Variants in GLIS3 observed in about 807,000 individuals in gnomAD.
GLIS3 encodes the protein GLIS family zinc finger 3, also known as zinc finger protein GLIS3.
A neutral mutation model predicts 78.6 loss-of-function variants in GLIS3; 53 were observed. That is an observed-to-expected ratio of 0.67 (90% CI 0.54 to 0.85). The LOEUF is 0.85. Among genes scored for constraint, GLIS3 ranks in the 40% least tolerant of loss-of-function variants. The pLI, the probability that GLIS3 is intolerant of heterozygous loss-of-function variation, is 0.00. For missense variants in GLIS3, 1,703 were observed against 1,231.1 expected, an observed-to-expected ratio of 1.38 and a Z score of -5.74; for synonymous variants, 684 against 509.9, an observed-to-expected ratio of 1.34 and a Z score of -4.60.
At chr9:4,002,729 T>A (rs2129931702) in intron 4 of GLIS3, among the ~76,000 whole-genome samples, 1 of 152,290 alleles carries the variant, frequency 6.6e-6, no homozygotes, top group East Asian at 1.9e-4. Context: ...ATAACCCAGT[T>A]CTGGAAACAT....
chr9:3,985,468 G>C (rs1388258425), intron 4 of GLIS3, among the ~76,000 whole-genome samples: 1 of 152,182 alleles, frequency 6.6e-6, no homozygotes, highest in Non-Finnish European at 1.5e-5. Flanking sequence ...TTAAATACAA[G>C]TGTCCTGTCA....
chr9:4,157,558 C>A (rs1835131112), intron 2 of GLIS3, among the ~76,000 whole-genome samples: 1 of 152,172 alleles, frequency 6.6e-6, no homozygotes, highest in Non-Finnish European at 1.5e-5. Context: ...TACATAGAGG[C>A]TTAAATCAAG....
chr9:4,153,073 C>G (rs1169870294), intron 2 of GLIS3, among the ~76,000 whole-genome samples: 1 of 152,154 alleles, frequency 6.6e-6, no homozygotes, highest in Non-Finnish European at 1.5e-5. Context: ...CCACTAGATG[C>G]CAGTAGCACC....
In GLIS3 at chr9:3,829,465, C is replaced by G; in HGVS notation, c.2501G>C (p.Cys834Ser). 1 of 1,614,024 alleles carries G rather than the reference C, an allele frequency of 6.2e-7. No homozygotes were observed. Among genetic ancestry groups the G allele is most frequent in the Non-Finnish European group, 8.5e-7 (1 of 1,179,978 alleles). ...HGFYGQLQKF[C>S]PPHYPDSQRI... ...CTGGGAATCGGGGTAGTGTGGGGGA[C>G]AGAACTTCTGCAGCTGCCCATAAAA... The change falls in exon 10 of 11, where the codon TGT becomes TCT. Residue 834 changes from cysteine (C) to serine (S), a missense_variant. Coordinates refer to ENST00000381971, the MANE Select transcript of GLIS3 (RefSeq NM_001042413.2).
intron 2 of GLIS3, among the ~76,000 whole-genome samples, chr9:4,315,033 C>A (rs1051371518): frequency 1.3e-5 from 2 of 152,236 alleles, no homozygotes; most frequent in Non-Finnish European, 2.9e-5. Context: ...TATTTCCTCT[C>A]TTCCCTTGTG....
chr9:4,355,088 A>C, the GLIS3 span, among the ~76,000 whole-genome samples: 2 of 151,536 alleles, frequency 1.3e-5, no homozygotes, highest in African/African-American at 4.8e-5. Context: ...CCGAGATCAC[A>C]CCACTGCACT....
Position 4,286,448 on chromosome 9 carries a change from C to A in GLIS3, c.-23G>T. On this transcript the variant is annotated 5_prime_UTR_variant, in exon 2 of 11. Coordinates refer to ENST00000381971, the MANE Select transcript of GLIS3 (RefSeq NM_001042413.2). ...CATTCTGAAAAACCTGTGGCCAAGA[C>A]GGTCAAATATCCAATGTCACTAATG... 6.2e-7 allele frequency: 1 copy of A among 1,612,822 alleles called. No individual in the cohort carries two copies. The highest frequency in any genetic ancestry group is 1.1e-5 in the South Asian group (1 of 91,022).
chr9:4,329,462 T>G (rs767831525), intron 2 of GLIS3, among the ~76,000 whole-genome samples: 1 of 152,166 alleles, frequency 6.6e-6, no homozygotes. Flanking sequence ...GCCTTTCATT[T>G]GTCCTGGAAC....
the GLIS3 span, among the ~76,000 whole-genome samples, chr9:4,389,362 C>T: frequency 6.6e-6 from 1 of 152,164 alleles, no homozygotes; most frequent in African/African-American, 2.4e-5. Context: ...CCCTCCTATA[C>T]AATGTAGGGC....
intron 4 of GLIS3, among the ~76,000 whole-genome samples, chr9:3,952,964 T>C (rs594850): frequency 0.029 from 4,463 of 152,258 alleles, 222 homozygotes; most frequent in African/African-American, 0.1. Context: ...CTTATTTATG[T>C]TTAATTTAAA....
At chr9:3,853,565 T>C (rs1819573879) in intron 9 of GLIS3, among the ~76,000 whole-genome samples, 1 of 152,204 alleles carries the variant, frequency 6.6e-6, no homozygotes, top group East Asian at 1.9e-4. Context: ...CTGTGCCAGG[T>C]GCTTTTTTTG....
intron 2 of GLIS3, among the ~76,000 whole-genome samples, chr9:4,342,113 T>C (rs982078439): frequency 4.6e-5 from 7 of 152,216 alleles, no homozygotes; most frequent in Non-Finnish European, 8.8e-5. Flanking sequence ...TTAGGTCCCA[T>C]TTGTCAATTT....
Position 4,207,209 on chromosome 9 carries a change from G to A in GLIS3, c.388+78829C>T, listed in dbSNP as rs78999101. 5.4e-3 allele frequency among the ~76,000 whole-genome samples: 818 copies of A among 152,216 alleles called. 4 individuals carry two copies. Among genetic ancestry groups the A allele is most frequent in the Non-Finnish European group, 8.1e-3 (548 of 68,020 alleles). ...CCACCTCCCCTCCCGACACAGAGCA[G>A]CCACATGCTGAAGCTGCCCCCTTCG... On this transcript the variant is annotated intron_variant, in intron 2 of 10. Transcript: ENST00000381971.
At chr9:4,391,702 G>A in the GLIS3 span, among the ~76,000 whole-genome samples, 1 of 152,120 alleles carries the variant, frequency 6.6e-6, no homozygotes, top group Admixed American at 6.5e-5. Context: ...ATAGAGGTTT[G>A]TACTGTCAAT....
At chr9:4,285,811 T>G (rs1019154346) in intron 2 of GLIS3, 1 of 582,308 alleles carries the variant, frequency 1.7e-6, no homozygotes, top group Admixed American at 2.9e-5. Flanking sequence ...TGTTACTCTG[T>G]TTCACAGTCC....
At chr9:4,084,055 C>T (rs1760434693) in intron 4 of GLIS3, among the ~76,000 whole-genome samples, 1 of 152,052 alleles carries the variant, frequency 6.6e-6, no homozygotes, top group African/African-American at 2.4e-5. Context: ...GAGTCTGAGG[C>T]CAGGATTTTT....
intron 4 of GLIS3, among the ~76,000 whole-genome samples, chr9:3,958,929 G>C (rs1171161320): frequency 1.3e-5 from 2 of 152,230 alleles, no homozygotes; most frequent in African/African-American, 4.8e-5. Context: ...CTTCTTGCTG[G>C]TTAACTATGA....
At position 4,260,989 on chromosome 9, in the gene GLIS3, T is replaced by C. The variant is rs181248536; in HGVS notation, c.388+25049A>G. Among the ~76,000 whole-genome samples, 478 of 152,336 alleles carry C rather than the reference T, an allele frequency of 3.1e-3. 2 individuals are homozygous for C. The highest frequency in any genetic ancestry group is 0.011 in the African/African-American group (451 of 41,588). ...ATTAAAATTACATCCATGGCTCACA[T>C]TTGTGGCTGTAATTATATTTCTACA... is the stretch of plus-strand genomic sequence containing the variant. On this transcript the variant is annotated intron_variant, in intron 2 of 10. Transcript: ENST00000381971.
At chr9:4,366,822 T>C in the GLIS3 span, among the ~76,000 whole-genome samples, 8 of 152,232 alleles carry the variant, frequency 5.3e-5, no homozygotes, top group African/African-American at 1.9e-4. Flanking sequence ...CACTGGAAAA[T>C]GGCCAAACAG....
Sources: gnomAD v4.1 joint callset for allele counts (sites outside exome capture counted in the v4.1 genomes callset) on GRCh38, gnomAD v4.1.1 for gene constraint, MANE v1.5 for transcripts, NCBI Gene and HGNC (gene_info 2026-07-23, HGNC 2026-07-21) for gene names.